KDM4C: variants seen among roughly 807,000 people sequenced by gnomAD.
KDM4C encodes lysine-specific demethylase 4C.
Under a neutral mutation model 129.3 loss-of-function variants are expected in KDM4C, and 81 were observed. The ratio of observed to expected loss-of-function variants is 0.63; its 90% confidence interval spans 0.52 to 0.75. The LOEUF (loss-of-function observed/expected upper bound fraction) is 0.75, where lower values mean the gene tolerates loss of function less well. Ranked by LOEUF, KDM4C falls within the 30% of genes least tolerant of loss-of-function variation. The pLI, the probability that KDM4C is intolerant of heterozygous loss-of-function variation, is 0.00. For missense variants in KDM4C, 1,457 were observed against 1,304.0 expected (o/e 1.12, Z -1.81); for synonymous variants, 573 against 456.1 (o/e 1.26, Z -3.26).
At chr9:6,785,481 C>T (rs564066426) in intron 1 of KDM4C, among the ~76,000 whole-genome samples, 2 of 152,272 alleles carry the variant, frequency 1.3e-5, no homozygotes, top group Non-Finnish European at 1.5e-5. Context: ...GGATTACAGG[C>T]ACCCGCCACC....
chr9:6,745,533 G>C (rs1817844428), intron 1 of KDM4C, among the ~76,000 whole-genome samples: 1 of 147,862 alleles, frequency 6.8e-6, no homozygotes, highest in Non-Finnish European at 1.5e-5. Context: ...GGATCACAGA[G>C]GAGGTGTGAT....
chr9:6,994,356 C>A (rs1421101931), intron 12 of KDM4C, among the ~76,000 whole-genome samples: 2 of 152,154 alleles, frequency 1.3e-5, no homozygotes, highest in Non-Finnish European at 2.9e-5. Context: ...CAGGCTGTTA[C>A]ATTATGTGTG....
intron 6 of KDM4C, among the ~76,000 whole-genome samples, chr9:6,883,801 C>T (rs1470778173): frequency 6.6e-6 from 1 of 151,998 alleles, no homozygotes; most frequent in Non-Finnish European, 1.5e-5. Flanking sequence ...TAACTCTGAC[C>T]AGTTTGATCC....
chr9:6,800,783 C>T (rs1372826488), intron 2 of KDM4C, among the ~76,000 whole-genome samples: 5 of 152,060 alleles, frequency 3.3e-5, no homozygotes, highest in Admixed American at 1.3e-4. Flanking sequence ...TGTGCCACCA[C>T]ACCTGGCTAA....
chr9:6,749,843 G>A (rs953661513), intron 1 of KDM4C, among the ~76,000 whole-genome samples: 99 of 149,626 alleles, frequency 6.6e-4, no homozygotes, highest in African/African-American at 2.4e-3. Flanking sequence ...AAAATTAGCC[G>A]GGTGTGGTGG....
At chr9:6,879,390 C>G (rs1844095667) in intron 5 of KDM4C, among the ~76,000 whole-genome samples, 1 of 151,914 alleles carries the variant, frequency 6.6e-6, no homozygotes, top group South Asian at 2.1e-4. Context: ...AAATTTTTTG[C>G]TGTAATCAAG....
intron 8 of KDM4C, among the ~76,000 whole-genome samples, chr9:6,899,136 G>C (rs939446050): frequency 1.3e-4 from 19 of 151,636 alleles, no homozygotes; most frequent in African/African-American, 4.4e-4. Flanking sequence ...GAGCTGATGA[G>C]TAGTTTTGCT....
chr9:7,014,670 C>T (rs1257335981), intron 14 of KDM4C, among the ~76,000 whole-genome samples: 2 of 152,114 alleles, frequency 1.3e-5, no homozygotes, highest in East Asian at 3.8e-4. Flanking sequence ...TACCAAATCA[C>T]ACATTCTAGT....
At chr9:6,972,599 G>A (rs958438159) in intron 8 of KDM4C, among the ~76,000 whole-genome samples, 1 of 152,144 alleles carries the variant, frequency 6.6e-6, no homozygotes, top group African/African-American at 2.4e-5. Context: ...ATTCTGGTAT[G>A]TGTTGCCAAA....
chr9:6,824,569 T>C (rs1183771819), intron 4 of KDM4C, among the ~76,000 whole-genome samples: 1 of 151,852 alleles, frequency 6.6e-6, no homozygotes, highest in Non-Finnish European at 1.5e-5. Flanking sequence ...TTTAAGGAGG[T>C]TATATCTATT....
chr9:6,833,300 C>A (rs1835251081), intron 4 of KDM4C, among the ~76,000 whole-genome samples: 6 of 151,772 alleles, frequency 4.0e-5, no homozygotes, highest in Admixed American at 3.9e-4. Flanking sequence ...TCCTCTATGC[C>A]AGTATTTTTA....
intron 1 of KDM4C, among the ~76,000 whole-genome samples, chr9:6,750,776 A>G (rs901932164): frequency 6.6e-6 from 1 of 152,142 alleles, no homozygotes; most frequent in African/African-American, 2.4e-5. Flanking sequence ...ATAATAAATA[A>G]CCTCAAAACG....
At chr9:6,990,108 A>G (rs1173398375) in intron 11 of KDM4C, among the ~76,000 whole-genome samples, 1 of 152,112 alleles carries the variant, frequency 6.6e-6, no homozygotes, top group African/African-American at 2.4e-5. Context: ...AGTTGTAAGA[A>G]CTTTAGAAAA....
chr9:7,044,500 T>A (rs950931732), intron 15 of KDM4C, among the ~76,000 whole-genome samples: 9 of 151,876 alleles, frequency 5.9e-5, no homozygotes, highest in Non-Finnish European at 1.3e-4. Flanking sequence ...ATGGCAGTGA[T>A]GATGGAGAGA....
At chr9:6,893,514 G>A (rs1588969945) in intron 8 of KDM4C, 1 of 218,474 alleles carries the variant, frequency 4.6e-6, no homozygotes, top group South Asian at 1.1e-4. Flanking sequence ...TCCAGTTGGT[G>A]TTTTGCAAGA....
intron 2 of KDM4C, among the ~76,000 whole-genome samples, chr9:6,798,260 T>C (rs1387985197): frequency 2.0e-5 from 3 of 151,502 alleles, no homozygotes; most frequent in Non-Finnish European, 4.4e-5. Context: ...TTCTTTCTTT[T>C]TTTTTTTTTT....
chr9:7,145,815 A>G (rs1842169215), intron 19 of KDM4C, among the ~76,000 whole-genome samples: 1 of 152,376 alleles, frequency 6.6e-6, no homozygotes, highest in South Asian at 2.1e-4. Flanking sequence ...AATCCAAACA[A>G]TACAGTCCTC....
chr9:6,838,904 A>G (rs1052131070), intron 4 of KDM4C, among the ~76,000 whole-genome samples: 1 of 152,226 alleles, frequency 6.6e-6, no homozygotes, highest in African/African-American at 2.4e-5. Flanking sequence ...AGAACTTTCA[A>G]TTTAGTTATT....
chr9:6,758,097 T>A lies in KDM4C; in HGVS notation c.-124T>A. On this transcript the variant is annotated 5_prime_UTR_variant, in exon 1 of 22. Coordinates refer to ENST00000381309, the MANE Select transcript of KDM4C (RefSeq NM_015061.6). This position sits in a 1 kb window ranked among gnomAD's most constrained non-coding sequence, Gnocchi z 4.6. ...GCGTGCGCAGCGAACAGCTGTCACC[T>A]AGTGCGGAACAAGTCTCCCAAATTT... 1 of 985,560 alleles carries A rather than the reference T, an allele frequency of 1.0e-6. No individual in the cohort carries two copies. Among genetic ancestry groups the A allele is most frequent in the Non-Finnish European group, 1.2e-6 (1 of 830,068 alleles). 61.1% of individuals were successfully genotyped at this position (985,560 alleles called of 1,614,324 possible).
Sources: allele counts gnomAD v4.1 joint callset (sites outside exome capture counted in the v4.1 genomes callset), GRCh38; gene constraint gnomAD v4.1.1; non-coding constraint Gnocchi (gnomAD v3.1); transcripts MANE v1.5; gene names NCBI Gene and HGNC (gene_info 2026-07-23, HGNC 2026-07-21).